The following TEKT3 variants were observed in gnomAD, a reference collection of about 807,000 sequenced individuals.
The protein encoded by TEKT3 is tektin-3.
A neutral mutation model predicts 49.8 loss-of-function variants in TEKT3; 49 were observed. The observed-to-expected ratio is 0.98, with a 90% CI of 0.78 to 1.25. TEKT3 has a LOEUF of 1.25. Ranked by LOEUF, TEKT3 falls within the 50% of genes most tolerant of loss-of-function variation. The pLI is 0.00. For synonymous variants in TEKT3, 225 were observed against 237.2 expected (o/e 0.95, Z 0.47); for missense variants, 595 against 629.5 (o/e 0.95, Z 0.59).
chr17:15,306,678 C>T (rs1035841693), intron 8 of TEKT3, among the ~76,000 whole-genome samples: 1 of 152,126 alleles, frequency 6.6e-6, no homozygotes, highest in Non-Finnish European at 1.5e-5. Context: ...AAAAGCAACC[C>T]TGTGTCTGTC....
intron 2 of TEKT3, among the ~76,000 whole-genome samples, chr17:15,338,762 A>G (rs1912105247): frequency 7.0e-6 from 1 of 143,272 alleles, no homozygotes; most frequent in Admixed American, 7.4e-5. Flanking sequence ...GTGATCTGCC[A>G]GCCTCGGCCT....
chr17:15,331,923 G>A (rs971748716), intron 2 of TEKT3, among the ~76,000 whole-genome samples: 2 of 152,140 alleles, frequency 1.3e-5, no homozygotes, highest in Non-Finnish European at 2.9e-5. Context: ...CCTAAACTAT[G>A]CATCTTAACG....
intron 4 of TEKT3, among the ~76,000 whole-genome samples, chr17:15,327,432 C>T (rs1259553285): frequency 6.6e-6 from 1 of 151,820 alleles, no homozygotes. Flanking sequence ...AGGAGAATTG[C>T]TTGAACCTAG....
chr17:15,341,091 A>G (rs1185939642), intron 1 of TEKT3, among the ~76,000 whole-genome samples: 1 of 151,646 alleles, frequency 6.6e-6, no homozygotes, highest in East Asian at 1.9e-4. Context: ...AGGTGATTGA[A>G]CTCTCCTCCC....
intron 7 of TEKT3, among the ~76,000 whole-genome samples, chr17:15,309,855 T>C (rs1910698878): frequency 6.6e-6 from 1 of 152,128 alleles, no homozygotes; most frequent in Non-Finnish European, 1.5e-5. Context: ...CTTAAGACCC[T>C]CATCTTGTTT....
intron 2 of TEKT3, among the ~76,000 whole-genome samples, chr17:15,336,699 C>T (rs1252067469): frequency 2.6e-5 from 4 of 151,882 alleles, no homozygotes; most frequent in Non-Finnish European, 4.4e-5. Context: ...GCTTAGATGG[C>T]CATATTAGAT....
In TEKT3 at chr17:15,331,389, GC is replaced by G. The variant is rs770579000; in HGVS notation, c.196del (p.Ala66ProfsTer39). On this transcript the variant is annotated frameshift_variant, in exon 3 of 9. Transcript: ENST00000395930. LOFTEE classifies it high-confidence loss of function. ...YKVASNSPSV[A>X]PYCTRSQRVS... Reference sequence around the variant, plus strand: ...CCTCTGTGATCTGGTGCAGTACGGGGCCACGCTTGGGGAATTGGAGGCGACT... The same window carrying G: ...CCTCTGTGATCTGGTGCAGTACGGGGCACGCTTGGGGAATTGGAGGCGACT... 6.8e-6 allele frequency: 11 copies of G among 1,614,010 alleles called. No homozygotes were observed. Among genetic ancestry groups the G allele is most frequent in the Admixed American group, 1.7e-5 (1 of 60,000 alleles).
chr17:15,316,468 AG>A (rs1188369095), intron 5 of TEKT3, among the ~76,000 whole-genome samples: 1 of 151,392 alleles, frequency 6.6e-6, no homozygotes, highest in African/African-American at 2.4e-5. Context: ...GGCTCAAAGG[AG>A]GGGAGGGAGG....
chr17:15,332,416 C>T (rs1001871755), intron 2 of TEKT3, among the ~76,000 whole-genome samples: 1 of 152,136 alleles, frequency 6.6e-6, no homozygotes, highest in Non-Finnish European at 1.5e-5. Flanking sequence ...CTCTGTGCCT[C>T]GGTTGCTTCA....
rs117100024 is a variant in TEKT3 at position 15,337,384 on chromosome 17, T to C, written c.-30+2644A>G. ...TTCCAAGAGAAAAGAGAACCAAAAA[T>C]AAGACAAAGAAAAAACAGGAAAATG... On this transcript the variant is annotated intron_variant, in intron 2 of 8. Coordinates refer to ENST00000395930, the MANE Select transcript of TEKT3 (RefSeq NM_031898.3). Among the ~76,000 whole-genome samples, 118 of 151,804 alleles carry C rather than the reference T, an allele frequency of 7.8e-4. 3 individuals are homozygous for C. In the East Asian group the frequency reaches 0.023, roughly 29 times the overall value.
intron 2 of TEKT3, among the ~76,000 whole-genome samples, chr17:15,334,333 G>T (rs983020424): frequency 6.6e-6 from 1 of 152,208 alleles, no homozygotes; most frequent in Admixed American, 6.5e-5. Context: ...GGGATTACAG[G>T]CATGAGCCAT....
chr17:15,312,818 G>A (rs552329308), intron 6 of TEKT3, among the ~76,000 whole-genome samples: 2 of 152,294 alleles, frequency 1.3e-5, no homozygotes, highest in South Asian at 2.1e-4. Context: ...AGCCTCAAGG[G>A]TAATCAAAGA....
chr17:15,330,729 C>A (rs1205769014), intron 3 of TEKT3, among the ~76,000 whole-genome samples: 1 of 152,040 alleles, frequency 6.6e-6, no homozygotes, highest in Non-Finnish European at 1.5e-5. Context: ...GCGTGTTCAC[C>A]TTAAAACATT....
intron 4 of TEKT3, among the ~76,000 whole-genome samples, chr17:15,324,504 G>T (rs1597413348): frequency 6.6e-6 from 1 of 152,154 alleles, no homozygotes; most frequent in South Asian, 2.1e-4. Flanking sequence ...GGTCATTCAT[G>T]CTTAAGCATT....
chr17:15,332,959 T>C (rs994776780), intron 2 of TEKT3, among the ~76,000 whole-genome samples: 2 of 152,124 alleles, frequency 1.3e-5, no homozygotes, highest in African/African-American at 4.8e-5. Context: ...TCTATACCTA[T>C]ATACAAAGCT....
Position 15,303,852 on chromosome 17 carries a change from A to T in TEKT3, c.*84T>A. 8.0e-7 allele frequency: 1 copy of T among 1,247,734 alleles called. No homozygotes were observed. Among genetic ancestry groups the T allele is most frequent in the Non-Finnish European group, 1.2e-6 (1 of 856,748 alleles). The allele number at this position is 1,247,734 out of a possible 1,614,324, so 77.3% of individuals were successfully genotyped here. The stretch of plus-strand genomic sequence containing the variant: ...CAGCATAATCCTTTAATAAGTGACT[A>T]TATTAGCATTCGGTTCAAATGCTGA... On this transcript the variant is annotated 3_prime_UTR_variant, in exon 9 of 9. Coordinates refer to ENST00000395930, the MANE Select transcript of TEKT3 (RefSeq NM_031898.3).
In TEKT3 at chr17:15,304,729, C is replaced by G. The variant is rs555280834; in HGVS notation, c.1257-577G>C. 6.6e-6 allele frequency among the ~76,000 whole-genome samples: 1 copy of G among 152,208 alleles called. No individual in the cohort carries two copies. Among genetic ancestry groups the G allele is most frequent in the South Asian group, 2.1e-4 (1 of 4,830 alleles). ...GACCCAGGAAGACCTATCTCATCATCTGCAGACACATCCTGGAATATGCTT... is the reference window on the plus strand; with the variant it reads ...GACCCAGGAAGACCTATCTCATCATGTGCAGACACATCCTGGAATATGCTT... On this transcript the variant is annotated intron_variant, in intron 8 of 8. Coordinates refer to ENST00000395930, the MANE Select transcript of TEKT3 (RefSeq NM_031898.3). The surrounding 1 kb of genome is among the most constrained non-coding windows in gnomAD (Gnocchi z 4.7).
intron 5 of TEKT3, among the ~76,000 whole-genome samples, chr17:15,315,971 C>A (rs762444518): frequency 4.5e-4 from 68 of 152,204 alleles, no homozygotes; most frequent in Non-Finnish European, 9.1e-4. Context: ...TCAACTTAGC[C>A]TGTGCTTTCA....
intron 3 of TEKT3, among the ~76,000 whole-genome samples, chr17:15,330,454 A>T (rs1911676423): frequency 6.6e-6 from 1 of 152,064 alleles, no homozygotes; most frequent in Non-Finnish European, 1.5e-5. Context: ...AGGATAGTGA[A>T]TGAGTTCTCT....
Sources: allele counts gnomAD v4.1 joint callset (sites outside exome capture counted in the v4.1 genomes callset), GRCh38; gene constraint gnomAD v4.1.1; non-coding constraint Gnocchi (gnomAD v3.1); transcripts MANE v1.5; gene names NCBI Gene and HGNC (gene_info 2026-07-23, HGNC 2026-07-21).